Variants in XKR6 observed in about 807,000 individuals in gnomAD.
XKR6 encodes XK related 6, also known as XK-related protein 6.
A neutral mutation model predicts 56.7 loss-of-function variants in XKR6; 22 were observed. The ratio of observed to expected loss-of-function variants is 0.39; its 90% CI spans 0.28 to 0.55. The LOEUF is 0.55. Among genes scored for constraint, XKR6 ranks in the 20% least tolerant of loss-of-function variants. XKR6 has a pLI of 0.66. For synonymous variants in XKR6, 524 were observed against 387.8 expected, an observed-to-expected ratio of 1.35 and a Z score of -4.13; for missense variants, 852 against 889.0, an observed-to-expected ratio of 0.96 and a Z score of 0.53.
At chr8:11,001,674 G>T (rs1233106975) in intron 1 of XKR6, among the ~76,000 whole-genome samples, 2 of 152,196 alleles carry the variant, frequency 1.3e-5, no homozygotes, top group Non-Finnish European at 2.9e-5. Flanking sequence ...CACCGCAAAA[G>T]CTCAGGCAGA....
intron 1 of XKR6, chr8:11,123,748 G>A (rs1167293718): frequency 1.9e-5 from 8 of 424,572 alleles, no homozygotes; most frequent in South Asian, 5.0e-5. Flanking sequence ...CCCCTACCCC[G>A]GGAAAAAAAA....
At chr8:11,071,098 T>C (rs1800102299) in intron 1 of XKR6, among the ~76,000 whole-genome samples, 1 of 152,192 alleles carries the variant, frequency 6.6e-6, no homozygotes, top group African/African-American at 2.4e-5. Flanking sequence ...AGCAAATGTT[T>C]GTTAATGGAT....
intron 1 of XKR6, among the ~76,000 whole-genome samples, chr8:10,955,848 T>C (rs1475385504): frequency 5.3e-5 from 8 of 152,242 alleles, no homozygotes; most frequent in Non-Finnish European, 1.0e-4. Flanking sequence ...CCTTTTCCCA[T>C]GCAGCCCTGG....
chr8:11,184,932 A>C (rs1803190480), intron 1 of XKR6, among the ~76,000 whole-genome samples: 1 of 152,198 alleles, frequency 6.6e-6, no homozygotes, highest in Non-Finnish European at 1.5e-5. Context: ...ACATCCTCAA[A>C]TAACATCGTT....
intron 1 of XKR6, among the ~76,000 whole-genome samples, chr8:11,066,681 A>G (rs71518509): frequency 1.2e-3 from 185 of 152,298 alleles, no homozygotes; most frequent in Non-Finnish European, 1.6e-3. Context: ...GAGTTTACAA[A>G]TCACATTCTC....
intron 1 of XKR6, among the ~76,000 whole-genome samples, chr8:10,984,577 T>A (rs909789997): frequency 6.6e-6 from 1 of 151,654 alleles, no homozygotes; most frequent in Non-Finnish European, 1.5e-5. Context: ...TGATAAATGA[T>A]TAAAATAGTA....
intron 1 of XKR6, among the ~76,000 whole-genome samples, chr8:11,024,204 G>GGTGTGTGTGTGTGTGT (rs61021720): frequency 1.5e-5 from 2 of 136,810 alleles, no homozygotes; most frequent in East Asian, 5.0e-4. Flanking sequence ...CCTGTTAGGA[G>GGTGTGTGTGTGTGTGT]GTGTGTGTGT....
chr8:10,966,558 C>T (rs1802229825), intron 1 of XKR6, among the ~76,000 whole-genome samples: 2 of 152,124 alleles, frequency 1.3e-5, no homozygotes, highest in South Asian at 4.2e-4. Flanking sequence ...CCTGTAGTCC[C>T]AGCTACACGG....
intron 1 of XKR6, among the ~76,000 whole-genome samples, chr8:11,148,022 C>T (rs939506568): frequency 2.1e-4 from 32 of 151,980 alleles, no homozygotes; most frequent in African/African-American, 7.7e-4. Flanking sequence ...TCAGCCTGAC[C>T]AACATGGTGA....
At chr8:11,038,062 T>C (rs917544158) in intron 1 of XKR6, among the ~76,000 whole-genome samples, 1 of 151,486 alleles carries the variant, frequency 6.6e-6, no homozygotes, top group Non-Finnish European at 1.5e-5. Context: ...CTAAGACTAA[T>C]GTCTAAGACA....
At chr8:11,092,266 T>C (rs1226569164) in intron 1 of XKR6, among the ~76,000 whole-genome samples, 1 of 152,364 alleles carries the variant, frequency 6.6e-6, no homozygotes, top group Non-Finnish European at 1.5e-5. Flanking sequence ...TGCAACTCAT[T>C]GTGCACGCAC....
chr8:11,195,182 G>A, intron 1 of XKR6: 1 of 703,160 alleles, frequency 1.4e-6, no homozygotes, highest in South Asian at 1.5e-5. Flanking sequence ...GGTTAAATCT[G>A]CTCCTTCTTT....
At chr8:11,186,021 G>C (rs1277424813) in intron 1 of XKR6, among the ~76,000 whole-genome samples, 1 of 152,210 alleles carries the variant, frequency 6.6e-6, no homozygotes, top group African/African-American at 2.4e-5. Context: ...CTGTGCATCA[G>C]AGGCCTTCTG....
At position 11,047,175 on chromosome 8, in the gene XKR6, G is replaced by C. The variant is rs370882251; in HGVS notation, c.765-122345C>G. Among the ~76,000 whole-genome samples the C allele has an allele frequency of 3.3e-5, 5 of 152,246 alleles. No individual in the cohort carries two copies. The East Asian group carries it at 7.7e-4, about 23-fold the overall frequency. The stretch of plus-strand genomic sequence containing the variant: ...CACAGCAAGAAAAAAATAACTATGC[G>C]AGGGGAAGCTACACTAATTAGCTTA... On this transcript the variant is annotated intron_variant, in intron 1 of 2. Coordinates refer to ENST00000416569, the MANE Select transcript of XKR6 (RefSeq NM_173683.4).
chr8:11,119,807 A>G (rs1231622353), intron 1 of XKR6, among the ~76,000 whole-genome samples: 1 of 152,192 alleles, frequency 6.6e-6, no homozygotes, highest in Non-Finnish European at 1.5e-5. Context: ...GGCAAACCGA[A>G]TCCAGCAGCA....
At chr8:11,174,062 A>C (rs1802526501) in intron 1 of XKR6, among the ~76,000 whole-genome samples, 2 of 152,188 alleles carry the variant, frequency 1.3e-5, no homozygotes, top group South Asian at 4.1e-4. Context: ...CATTTGCTTT[A>C]AAAAATAAAA....
chr8:10,957,014 G>T (rs779190828), intron 1 of XKR6, among the ~76,000 whole-genome samples: 2 of 152,112 alleles, frequency 1.3e-5, no homozygotes, highest in Non-Finnish European at 2.9e-5. Context: ...GCAGTGGTGT[G>T]ATCTTGGATT....
chr8:11,022,559 G>C (rs7820777), intron 1 of XKR6, among the ~76,000 whole-genome samples: 62,765 of 152,094 alleles, frequency 0.41, 18,157 homozygotes, highest in African/African-American at 0.83. Flanking sequence ...AACTCAGTCA[G>C]CAGCCAATGG....
intron 1 of XKR6, among the ~76,000 whole-genome samples, chr8:11,015,107 G>A (rs1424325305): frequency 6.6e-6 from 1 of 152,096 alleles, no homozygotes; most frequent in Non-Finnish European, 1.5e-5. Context: ...GACCTGGGTT[G>A]GGAGGAGGCG....
Sources: allele counts gnomAD v4.1 joint callset (sites outside exome capture counted in the v4.1 genomes callset), GRCh38; gene constraint gnomAD v4.1.1; transcripts MANE v1.5; gene names NCBI Gene and HGNC (gene_info 2026-07-23, HGNC 2026-07-21).